The following MSRA variants were observed in gnomAD, a reference collection of about 807,000 sequenced individuals.
MSRA encodes methionine sulfoxide reductase A, also known as mitochondrial peptide methionine sulfoxide reductase.
In MSRA, 54 loss-of-function variants were observed where a neutral mutation model predicts 31.3. That is an observed-to-expected ratio of 1.73 (90% CI 1.39 to 2.17). MSRA has a LOEUF of 2.17. Ranked by LOEUF, MSRA falls within the 30% of genes most tolerant of loss-of-function variation. The pLI, the probability that MSRA is intolerant of heterozygous loss-of-function variation, is 0.00. For missense variants in MSRA, 507 were observed against 300.9 expected (o/e 1.69, Z -5.07); for synonymous variants, 169 against 116.5 (o/e 1.45, Z -2.90).
chr8:10,312,482 C>T (rs1233194563), intron 4 of MSRA, among the ~76,000 whole-genome samples: 4 of 152,294 alleles, frequency 2.6e-5, no homozygotes, highest in African/African-American at 7.2e-5. Flanking sequence ...GTTCTCCCAA[C>T]ATTTAAGGAA....
intron 1 of MSRA, among the ~76,000 whole-genome samples, chr8:10,153,270 T>C (rs1803866575): frequency 1.3e-5 from 2 of 152,178 alleles, no homozygotes; most frequent in Non-Finnish European, 2.9e-5. Flanking sequence ...AGCATGTGGA[T>C]GAGGCATGAG....
intron 3 of MSRA, among the ~76,000 whole-genome samples, chr8:10,263,902 TAA>T (rs1798609661): frequency 6.6e-6 from 1 of 152,264 alleles, no homozygotes. Flanking sequence ...TTGGTCATTT[TAA>T]AAGCTTTGTT....
At chr8:10,163,872 A>C (rs1804885964) in intron 1 of MSRA, among the ~76,000 whole-genome samples, 1 of 152,180 alleles carries the variant, frequency 6.6e-6, no homozygotes, top group Non-Finnish European at 1.5e-5. Flanking sequence ...CCTTTGCCCC[A>C]GTCGGCATTG....
chr8:10,233,272 T>C (rs1382232174), intron 2 of MSRA, among the ~76,000 whole-genome samples: 2 of 151,754 alleles, frequency 1.3e-5, no homozygotes, highest in African/African-American at 4.8e-5. Flanking sequence ...TCTTCTTGCC[T>C]TCTGCCCAAG....
chr8:10,351,245 C>CT (rs71203317), intron 5 of MSRA, among the ~76,000 whole-genome samples: 28,666 of 56,640 alleles, frequency 0.51, 11,023 homozygotes, highest in East Asian at 0.68. Context: ...CTGAAGGAGA[C>CT]TTTTTTTTTT....
At chr8:10,291,191 C>G (rs1472565888) in intron 3 of MSRA, among the ~76,000 whole-genome samples, 1 of 152,160 alleles carries the variant, frequency 6.6e-6, no homozygotes, top group African/African-American at 2.4e-5. Flanking sequence ...CAGTACTGAG[C>G]TGTGTTTATG....
At chr8:10,129,875 C>CCT (rs1419967430) in intron 1 of MSRA, among the ~76,000 whole-genome samples, 54 of 151,928 alleles carry the variant, frequency 3.6e-4, no homozygotes, top group Non-Finnish European at 5.0e-4. Flanking sequence ...CCATATTTCT[C>CCT]CTCTCTCTCT....
At chr8:10,396,348 A>T (rs1386186755) in intron 5 of MSRA, among the ~76,000 whole-genome samples, 6 of 152,236 alleles carry the variant, frequency 3.9e-5, no homozygotes, top group Non-Finnish European at 5.9e-5. Context: ...AGGAATATGT[A>T]ACATTTTAAT....
intron 1 of MSRA, among the ~76,000 whole-genome samples, chr8:10,092,457 G>A (rs572131807): frequency 1.3e-5 from 2 of 152,230 alleles, no homozygotes; most frequent in South Asian, 4.2e-4. Context: ...AAGAGATCGA[G>A]ACCATCCTGG....
chr8:10,179,821 C>G (rs983272212), intron 1 of MSRA, among the ~76,000 whole-genome samples: 1 of 152,164 alleles, frequency 6.6e-6, no homozygotes. Flanking sequence ...GGGCCTGATA[C>G]CTTCCGATGC....
At chr8:10,307,532 A>T (rs957953198) in intron 4 of MSRA, among the ~76,000 whole-genome samples, 1 of 152,204 alleles carries the variant, frequency 6.6e-6, no homozygotes, top group Non-Finnish European at 1.5e-5. Flanking sequence ...AAAAAAGCAA[A>T]TATATTAAAA....
At chr8:10,398,390 C>T (rs990559408) in intron 5 of MSRA, among the ~76,000 whole-genome samples, 2 of 152,194 alleles carry the variant, frequency 1.3e-5, no homozygotes, top group Non-Finnish European at 2.9e-5. Flanking sequence ...GGTCCCTTGC[C>T]GAGAGAGACC....
intron 4 of MSRA, among the ~76,000 whole-genome samples, chr8:10,315,641 G>C (rs1324920019): frequency 6.6e-6 from 1 of 152,328 alleles, no homozygotes; most frequent in East Asian, 1.9e-4. Context: ...GTAAATGTGT[G>C]TGCACATGTG....
chr8:10,394,174 T>A (rs1432795510), intron 5 of MSRA, among the ~76,000 whole-genome samples: 1 of 152,244 alleles, frequency 6.6e-6, no homozygotes, highest in South Asian at 2.1e-4. Flanking sequence ...TTTTTCTCAT[T>A]GATCTTTCCA....
intron 5 of MSRA, among the ~76,000 whole-genome samples, chr8:10,347,268 A>G (rs1410434095): frequency 6.6e-6 from 1 of 152,208 alleles, no homozygotes; most frequent in African/African-American, 2.4e-5. Flanking sequence ...AATACCAAAT[A>G]CAGCCTGATA....
chr8:10,323,849 A>C (rs574835961), intron 5 of MSRA, among the ~76,000 whole-genome samples: 13 of 152,158 alleles, frequency 8.5e-5, no homozygotes, highest in African/African-American at 2.7e-4. Context: ...TATTTTTTAA[A>C]TAAAGATTGG....
At chr8:10,243,730 T>C (rs1797460569) in intron 2 of MSRA, among the ~76,000 whole-genome samples, 1 of 152,184 alleles carries the variant, frequency 6.6e-6, no homozygotes, top group African/African-American at 2.4e-5. Context: ...TATATTTTCT[T>C]CCAGTCTAAT....
intron 1 of MSRA, among the ~76,000 whole-genome samples, chr8:10,117,365 A>G (rs1365835927): frequency 2.0e-5 from 3 of 152,186 alleles, no homozygotes; most frequent in African/African-American, 4.8e-5. Context: ...AAAAATCCAC[A>G]GCTCTTCCCT....
chr8:10,316,527 CCTCTCTCTCTCTCTCTCTCTCT>C (rs139421344), intron 4 of MSRA, among the ~76,000 whole-genome samples: 132 of 112,632 alleles, frequency 1.2e-3, no homozygotes, highest in African/African-American at 3.4e-3. Context: ...TTTGATGATC[CCTCTCTCTCTCTCTCTCTCTCT>C]CTCTCTCTCT....
Sources: gnomAD v4.1 joint callset for allele counts (sites outside exome capture counted in the v4.1 genomes callset) on GRCh38, gnomAD v4.1.1 for gene constraint, MANE v1.5 for transcripts, NCBI Gene and HGNC (gene_info 2026-07-23, HGNC 2026-07-21) for gene names.